Variants in PLXNA2 observed in about 807,000 individuals in gnomAD.
The protein encoded by PLXNA2 is plexin A2, also known as plexin-A2.
Under a neutral mutation model 193.5 loss-of-function variants are expected in PLXNA2, and 91 were observed. The observed-to-expected ratio is 0.47, with a 90% CI of 0.40 to 0.56. The LOEUF (loss-of-function observed/expected upper bound fraction) is 0.56, where lower values mean the gene tolerates loss of function less well. PLXNA2 is among the 20% of genes least tolerant of loss of function. PLXNA2 has a pLI of 0.00. For missense variants in PLXNA2, 1,995 were observed against 2,503.2 expected (o/e 0.80, Z 4.33); for synonymous variants, 997 against 1,027.3 (o/e 0.97, Z 0.56).
chr1:208,128,735 T>C lies in PLXNA2; in HGVS notation c.1506+13594A>G, dbSNP rs1668050310. On this transcript the variant is annotated intron_variant, in intron 4 of 31. Transcript: ENST00000367033. ...TTTTTTTTTTGGGATGGAGTCTCTCTCTGTCCCCCAGGCTGGAGTGCAGTG... is the reference window on the plus strand; with the variant it reads ...TTTTTTTTTTGGGATGGAGTCTCTCCCTGTCCCCCAGGCTGGAGTGCAGTG... 2.1e-5 allele frequency among the ~76,000 whole-genome samples: 3 copies of C among 140,790 alleles called. No homozygotes were observed. The South Asian group carries it at 7.8e-4, about 37-fold the overall frequency. The allele number at this position is 140,790 out of a possible 152,430, so 92.4% of individuals were successfully genotyped here.
chr1:208,026,419 G>A lies in PLXNA2; in HGVS notation c.*824C>T, dbSNP rs1440889678. On this transcript the variant is annotated 3_prime_UTR_variant, in exon 32 of 32. Transcript: ENST00000367033. Reference sequence around the variant, plus strand: ...CAAAAAACAGTAGCAAAAAGCATTGGTACTATCTAGGTACACATCTCCTCT... The same window carrying A: ...CAAAAAACAGTAGCAAAAAGCATTGATACTATCTAGGTACACATCTCCTCT... 6.6e-6 allele frequency: 1 copy of A among 152,230 alleles called. No homozygotes were observed. The highest frequency in any genetic ancestry group is 6.5e-5 in the Admixed American group (1 of 15,280). 9.4% of individuals were successfully genotyped at this position (152,230 alleles called of 1,614,324 possible).
chr1:208,123,181 C>A (rs767418433), intron 4 of PLXNA2, among the ~76,000 whole-genome samples: 1 of 152,148 alleles, frequency 6.6e-6, no homozygotes, highest in Non-Finnish European at 1.5e-5. Context: ...AGTACGTGAT[C>A]CTTTGTGACT....
In PLXNA2 at chr1:208,084,550, T is replaced by A. The variant is rs750560728; in HGVS notation, c.2128A>T (p.Ile710Phe). Residue 710 changes from isoleucine (I) to phenylalanine (F), a missense_variant, in exon 10 of 32, where the codon ATC (isoleucine) becomes TTC (phenylalanine). This residue lies in a region of PLXNA2 where 1,291 missense variants were observed against 1,673.6 expected (regional missense o/e 0.77). Coordinates refer to ENST00000367033, the MANE Select transcript of PLXNA2 (RefSeq NM_025179.4). Reference protein sequence around the residue: ...DCPQLVPTEEILIPVGEVKPI... With the variant: ...DCPQLVPTEEFLIPVGEVKPI... ...TTTACCTCCCCGACTGGAATCAAGA[T>A]CTCCTCTGTGGGCACCAGCTGGGGA... 2.5e-6 allele frequency: 4 copies of A among 1,614,130 alleles called. No individual in the cohort carries two copies. The highest frequency in any genetic ancestry group is 1.7e-5 in the Admixed American group (1 of 60,014).
Position 208,073,737 on chromosome 1 carries a change from C to G in PLXNA2, c.2586+5523G>C, listed in dbSNP as rs184120494. On this transcript the variant is annotated intron_variant, in intron 12 of 31. Transcript: ENST00000367033. Reference sequence around the variant, plus strand: ...ATTAAAATGAGATAATTAGAGTGGGCACTAATCCAATATGACAGGGTCTTT... The same window carrying G: ...ATTAAAATGAGATAATTAGAGTGGGGACTAATCCAATATGACAGGGTCTTT... Among the ~76,000 whole-genome samples, 6 of 151,376 alleles carry G rather than the reference C, an allele frequency of 4.0e-5. No homozygotes were observed. In the East Asian group the frequency reaches 1.2e-3, roughly 30 times the overall value.
At chr1:208,152,673 A>ACACACGCG (rs1553288552) in intron 3 of PLXNA2, among the ~76,000 whole-genome samples, 15 of 121,436 alleles carry the variant, frequency 1.2e-4, no homozygotes, top group Non-Finnish European at 2.3e-4. Flanking sequence ...ACACATACAC[A>ACACACGCG]CACACACACG....
At chr1:208,215,624 A>T (rs1671099880) in intron 2 of PLXNA2, among the ~76,000 whole-genome samples, 1 of 151,228 alleles carries the variant, frequency 6.6e-6, no homozygotes, top group South Asian at 2.1e-4. Context: ...GAATAGATGG[A>T]TGGATGGATG....
At chr1:208,067,000 T>A (rs1278836657) in intron 12 of PLXNA2, among the ~76,000 whole-genome samples, 1 of 152,176 alleles carries the variant, frequency 6.6e-6, no homozygotes, top group Non-Finnish European at 1.5e-5. Context: ...TTAAGGTAAG[T>A]GTTATTACAA....
At chr1:208,030,291 C>A in intron 29 of PLXNA2, 2 of 985,530 alleles carry the variant, frequency 2.0e-6, no homozygotes, top group Non-Finnish European at 2.4e-6. Context: ...TCTCTCCACA[C>A]CACGATGCCA....
chr1:208,128,085 G>A (rs1668028692), intron 4 of PLXNA2, among the ~76,000 whole-genome samples: 1 of 152,144 alleles, frequency 6.6e-6, no homozygotes, highest in South Asian at 2.1e-4. Context: ...GAGATCCGGA[G>A]CCAAGAACTG....
At position 208,238,855 on chromosome 1, in the gene PLXNA2, G is replaced by A. The variant is rs375497971; in HGVS notation, c.-81+4788C>T. 3.2e-4 allele frequency among the ~76,000 whole-genome samples: 49 copies of A among 152,346 alleles called. No individual in the cohort carries two copies. In the East Asian group the frequency reaches 7.2e-3, roughly 22 times the overall value. On this transcript the variant is annotated intron_variant, in intron 1 of 31. Coordinates refer to ENST00000367033, the MANE Select transcript of PLXNA2 (RefSeq NM_025179.4). Reference sequence around the variant, plus strand: ...CGGGGTTGGGTCAGAAACTTCTGTTGCTGATAAGAACGGCAAGGGCCTTTT... The same window carrying A: ...CGGGGTTGGGTCAGAAACTTCTGTTACTGATAAGAACGGCAAGGGCCTTTT...
chr1:208,226,380 G>A lies in PLXNA2; in HGVS notation c.-80-8378C>T, dbSNP rs75917423. On this transcript the variant is annotated intron_variant, in intron 1 of 31. Coordinates refer to ENST00000367033, the MANE Select transcript of PLXNA2 (RefSeq NM_025179.4). ...TTTCCCAGGTCTCCCAGTAGGCTCT[G>A]ATCGAGCCCTGGAAACCACACCAGC... Among the ~76,000 whole-genome samples the A allele has an allele frequency of 7.3e-3, 1,113 of 151,982 alleles. 52 individuals are homozygous for A. The highest frequency in any genetic ancestry group is 0.056 in the Admixed American group (853 of 15,268).
intron 4 of PLXNA2, among the ~76,000 whole-genome samples, chr1:208,107,828 A>C (rs944325622): frequency 3.3e-5 from 5 of 151,956 alleles, no homozygotes; most frequent in African/African-American, 1.2e-4. Context: ...GGAATTATAC[A>C]ATGGGAGGCC....
chr1:208,058,053 C>T (rs144578669), intron 13 of PLXNA2, among the ~76,000 whole-genome samples: 2,189 of 152,332 alleles, frequency 0.014, 38 homozygotes, highest in Middle Eastern at 0.062. Context: ...AACCCAGTAC[C>T]CTTGCCCCAC....
rs950929455 is a variant in PLXNA2, at chr1:208,236,917, C to T, written c.-81+6726G>A. Reference sequence around the variant, plus strand: ...CAAGTATGGCCCTAGCTCTGTGCTTCCCAGTGCAGGGGTCAGTTCCCTGAC... The same window carrying T: ...CAAGTATGGCCCTAGCTCTGTGCTTTCCAGTGCAGGGGTCAGTTCCCTGAC... On this transcript the variant is annotated intron_variant, in intron 1 of 31. Transcript: ENST00000367033. The surrounding 1 kb of genome is among the most constrained non-coding windows in gnomAD (Gnocchi z 4.4). Among the ~76,000 whole-genome samples, 2 of 152,246 alleles carry T rather than the reference C, an allele frequency of 1.3e-5. No individual in the cohort carries two copies. Among genetic ancestry groups the T allele is most frequent in the African/African-American group, 4.8e-5 (2 of 41,462 alleles).
At chr1:208,086,512 G>A (rs55906937) in intron 9 of PLXNA2, among the ~76,000 whole-genome samples, 2,142 of 152,036 alleles carry the variant, frequency 0.014, 30 homozygotes, top group Middle Eastern at 0.027. Context: ...CTGAAGAGCC[G>A]GATCTGGGGG....
At chr1:208,058,967 G>C (rs915794865) in intron 13 of PLXNA2, among the ~76,000 whole-genome samples, 9 of 152,180 alleles carry the variant, frequency 5.9e-5, no homozygotes, top group Non-Finnish European at 5.9e-5. Context: ...CTGAGGGCCA[G>C]TTGCCCAGGA....
chr1:208,185,696 C>CAAAAAAAAAAAAAAA (rs56384277), intron 3 of PLXNA2, among the ~76,000 whole-genome samples: 2 of 57,240 alleles, frequency 3.5e-5, no homozygotes, highest in Non-Finnish European at 5.9e-5. Flanking sequence ...TCTCTGAAAG[C>CAAAAAAAAAAAAAAA]AAAAAAAAAA....
At chr1:208,043,758 G>A (rs1664958722) in intron 20 of PLXNA2, among the ~76,000 whole-genome samples, 1 of 152,234 alleles carries the variant, frequency 6.6e-6, no homozygotes. Flanking sequence ...GTTGCCAGGA[G>A]GAACCTTGGC....
intron 12 of PLXNA2, among the ~76,000 whole-genome samples, chr1:208,063,257 T>C (rs983208831): frequency 3.3e-5 from 5 of 152,230 alleles, no homozygotes; most frequent in Non-Finnish European, 5.9e-5. Context: ...GGGGACCGCA[T>C]TGTGGATCCT....
Sources: allele counts gnomAD v4.1 joint callset (sites outside exome capture counted in the v4.1 genomes callset), GRCh38; gene constraint gnomAD v4.1.1; regional missense constraint gnomAD v4.1.1; non-coding constraint Gnocchi (gnomAD v3.1); transcripts MANE v1.5; gene names NCBI Gene and HGNC (gene_info 2026-07-23, HGNC 2026-07-21).